Variants in TAOK3 observed in about 807,000 individuals in gnomAD.
TAOK3 encodes the protein serine/threonine-protein kinase TAO3.
In TAOK3, 40 loss-of-function variants were observed where a neutral mutation model predicts 120.4. That is an observed-to-expected ratio of 0.33 (90% CI 0.26 to 0.43). TAOK3 has a LOEUF of 0.43. Among genes scored for constraint, TAOK3 ranks in the 20% least tolerant of loss-of-function variants. TAOK3 has a pLI of 1.00. For missense variants in TAOK3, 821 were observed against 1,112.1 expected (o/e 0.74, Z 3.72); for synonymous variants, 355 against 387.5 (o/e 0.92, Z 0.99).
At chr12:118,303,232 ATCC>A (rs1458827751) in intron 1 of TAOK3, among the ~76,000 whole-genome samples, 2 of 152,136 alleles carry the variant, frequency 1.3e-5, no homozygotes, top group African/African-American at 4.8e-5. Flanking sequence ...CCCATTCCTT[ATCC>A]TCCTCCTCTG....
At chr12:118,277,107 A>G (rs2041929862) in intron 1 of TAOK3, among the ~76,000 whole-genome samples, 1 of 152,268 alleles carries the variant, frequency 6.6e-6, no homozygotes, top group Non-Finnish European at 1.5e-5. Flanking sequence ...TTGCTTTGAC[A>G]GTACAGATGT....
chr12:118,231,377 T>A (rs1023951304), intron 9 of TAOK3, among the ~76,000 whole-genome samples: 6 of 152,120 alleles, frequency 3.9e-5, no homozygotes, highest in Admixed American at 1.3e-4. Context: ...ATTCTTTTTT[T>A]TTTTTAATTA....
intron 16 of TAOK3, among the ~76,000 whole-genome samples, chr12:118,173,925 A>G (rs1224197492): frequency 6.6e-6 from 1 of 152,226 alleles, no homozygotes; most frequent in Non-Finnish European, 1.5e-5. Flanking sequence ...CTGTAAATCA[A>G]CTTTCAACTA....
chr12:118,187,174 T>C (rs938601185), intron 14 of TAOK3, among the ~76,000 whole-genome samples: 4 of 152,208 alleles, frequency 2.6e-5, no homozygotes, highest in African/African-American at 9.6e-5. Context: ...TGGACCTCTT[T>C]GTGACTTGTT....
chr12:118,162,379 T>C (rs1391681449), intron 17 of TAOK3, among the ~76,000 whole-genome samples: 2 of 152,182 alleles, frequency 1.3e-5, no homozygotes, highest in African/African-American at 2.4e-5. Context: ...TCAGTGAAGC[T>C]AGTGGTCCTA....
intron 19 of TAOK3, among the ~76,000 whole-genome samples, chr12:118,155,983 C>T (rs907333034): frequency 2.0e-5 from 3 of 152,072 alleles, no homozygotes; most frequent in African/African-American, 7.2e-5. Flanking sequence ...GTGACCCTTC[C>T]CACAAAGTGC....
intron 1 of TAOK3, among the ~76,000 whole-genome samples, chr12:118,355,885 C>CT (rs943242519): frequency 3.9e-5 from 6 of 152,152 alleles, no homozygotes; most frequent in Non-Finnish European, 2.9e-5. Context: ...GAAGAAGAAA[C>CT]TGAGGTTTCG....
chr12:118,156,982 T>C (rs929663522), intron 19 of TAOK3, among the ~76,000 whole-genome samples: 8 of 152,158 alleles, frequency 5.3e-5, no homozygotes, highest in Non-Finnish European at 1.0e-4. Context: ...TCAGGTGATC[T>C]GCCTGCCTCG....
intron 1 of TAOK3, among the ~76,000 whole-genome samples, chr12:118,348,182 C>T (rs1209035911): frequency 3.3e-5 from 5 of 152,258 alleles, no homozygotes; most frequent in African/African-American, 1.2e-4. Context: ...CTCCCTAGTA[C>T]GGAAGTAATC....
chr12:118,152,363 A>T lies in TAOK3; in HGVS notation c.2399T>A (p.Leu800Gln), dbSNP rs754195556. 14 of 1,613,898 alleles carry T rather than the reference A, an allele frequency of 8.7e-6. No homozygotes were observed. Among genetic ancestry groups the T allele is most frequent in the Non-Finnish European group, 1.1e-5 (13 of 1,180,000 alleles). The change falls in exon 20 of 21, where the codon CTA becomes CAA. Residue 800 changes from leucine (L) to glutamine (Q), a missense_variant. Transcript: ENST00000392533. ...CAGCTCCATTTCCTGCTGGAGCTGT[A>T]GCCTCAAGGCCTGGCATTCTGCTTC... is the stretch of plus-strand genomic sequence containing the variant. ...AQEAECQALR[L>Q]QLQQEMELLN...
At chr12:118,305,029 C>T (rs2043000238) in intron 1 of TAOK3, among the ~76,000 whole-genome samples, 1 of 152,104 alleles carries the variant, frequency 6.6e-6, no homozygotes, top group Admixed American at 6.6e-5. Flanking sequence ...TCCTAACTAA[C>T]CATATGGCAG....
intron 13 of TAOK3, among the ~76,000 whole-genome samples, chr12:118,194,103 T>C (rs2037575667): frequency 6.6e-6 from 1 of 152,066 alleles, no homozygotes; most frequent in Admixed American, 6.5e-5. Flanking sequence ...TCTAAGGAAG[T>C]CGTAAAATAG....
intron 15 of TAOK3, 57 bp from the exon 16 acceptor site, chr12:118,177,386 G>C (rs750594426): frequency 5.1e-5 from 79 of 1,539,456 alleles, no homozygotes; most frequent in Non-Finnish European, 6.7e-5. Context: ...AGAATTCAGT[G>C]ATCTATATTC....
At chr12:118,301,416 C>T (rs1463616059) in intron 1 of TAOK3, among the ~76,000 whole-genome samples, 2 of 152,124 alleles carry the variant, frequency 1.3e-5, no homozygotes, top group African/African-American at 4.8e-5. Flanking sequence ...ATTTTAAGGA[C>T]CTTTCTCAAG....
At chr12:118,311,182 C>T (rs1053485114) in intron 1 of TAOK3, among the ~76,000 whole-genome samples, 9 of 152,094 alleles carry the variant, frequency 5.9e-5, no homozygotes, top group African/African-American at 1.7e-4. Flanking sequence ...AAATAGGGGC[C>T]GGGCATGGTG....
At chr12:118,183,475 G>C (rs530660273) in intron 14 of TAOK3, among the ~76,000 whole-genome samples, 1 of 152,146 alleles carries the variant, frequency 6.6e-6, no homozygotes, top group South Asian at 2.1e-4. Context: ...ACCAAAAAAG[G>C]ATAGCATCAC....
chr12:118,319,265 C>T (rs1044226528), intron 1 of TAOK3, among the ~76,000 whole-genome samples: 3 of 152,006 alleles, frequency 2.0e-5, no homozygotes, highest in Admixed American at 1.3e-4. Context: ...AACCCCTCAA[C>T]AATAAAATGA....
At chr12:118,296,188 A>G (rs970503109) in intron 1 of TAOK3, among the ~76,000 whole-genome samples, 13 of 152,160 alleles carry the variant, frequency 8.5e-5, no homozygotes, top group African/African-American at 2.4e-4. Context: ...TCTTTGTGCA[A>G]TGGTGCGATC....
chr12:118,230,691 G>A (rs943609005), intron 9 of TAOK3, among the ~76,000 whole-genome samples: 20 of 151,906 alleles, frequency 1.3e-4, no homozygotes, highest in African/African-American at 3.6e-4. Context: ...GGATGGTCTC[G>A]ATCTCCTGAC....
Sources: gnomAD v4.1 joint callset for allele counts (sites outside exome capture counted in the v4.1 genomes callset) on GRCh38, gnomAD v4.1.1 for gene constraint, MANE v1.5 for transcripts, NCBI Gene and HGNC (gene_info 2026-07-23, HGNC 2026-07-21) for gene names.